MLLT3: variants seen among roughly 807,000 people sequenced by gnomAD.
The protein encoded by MLLT3 is protein AF-9.
MLLT3 carries 4 observed loss-of-function variants against 53.2 expected under a neutral mutation model. The observed-to-expected ratio is 0.08, with a 90% CI of 0.04 to 0.17. MLLT3 has a LOEUF of 0.17. MLLT3 is among the 10% of genes least tolerant of loss of function. MLLT3 has a pLI of 1.00. For synonymous variants in MLLT3, 283 were observed against 230.6 expected (o/e 1.23, Z -2.06); for missense variants, 569 against 684.0 (o/e 0.83, Z 1.87).
chr9:20,550,497 C>G (rs1489456925), intron 2 of MLLT3, among the ~76,000 whole-genome samples: 1 of 152,164 alleles, frequency 6.6e-6, no homozygotes, highest in Non-Finnish European at 1.5e-5. Flanking sequence ...GTGGCACAAT[C>G]ACAGCTCACC....
intron 4 of MLLT3, among the ~76,000 whole-genome samples, chr9:20,424,396 G>A (rs892412390): frequency 6.6e-6 from 1 of 152,116 alleles, no homozygotes; most frequent in Non-Finnish European, 1.5e-5. Context: ...ATTTCAAAGG[G>A]TTTCAGAAAA....
chr9:20,518,500 A>AT (rs1300471038), intron 2 of MLLT3, among the ~76,000 whole-genome samples: 1 of 152,232 alleles, frequency 6.6e-6, no homozygotes, highest in Non-Finnish European at 1.5e-5. Flanking sequence ...GGAAACAAAA[A>AT]TAAGTGGGCA....
At chr9:20,376,579 T>A (rs560499317) in intron 5 of MLLT3, among the ~76,000 whole-genome samples, 3 of 152,198 alleles carry the variant, frequency 2.0e-5, no homozygotes, top group African/African-American at 7.2e-5. Flanking sequence ...TTTGGACTTA[T>A]CACTACTTGT....
chr9:20,586,112 G>A (rs1426361705), intron 2 of MLLT3, among the ~76,000 whole-genome samples: 1 of 152,108 alleles, frequency 6.6e-6, no homozygotes, highest in Admixed American at 6.6e-5. Flanking sequence ...GCACTCAGGA[G>A]TTTGCGACCA....
Position 20,516,269 on chromosome 9 carries a change from G to A in MLLT3, c.194-59483C>T, listed in dbSNP as rs1399536013. Among the ~76,000 whole-genome samples, 7 of 152,284 alleles carry A rather than the reference G, an allele frequency of 4.6e-5. No individual in the cohort carries two copies. The East Asian group carries it at 7.7e-4, about 17-fold the overall frequency. On this transcript the variant is annotated intron_variant, in intron 2 of 10. Coordinates refer to ENST00000380338, the MANE Select transcript of MLLT3 (RefSeq NM_004529.4). ...CTCTCTGGTCACAACCAGCACAAAC[G>A]ATATTGTGACTTTTTTTTTCTAATC...
At chr9:20,608,654 C>G (rs889338505) in intron 2 of MLLT3, among the ~76,000 whole-genome samples, 2 of 151,838 alleles carry the variant, frequency 1.3e-5, no homozygotes, top group Non-Finnish European at 2.9e-5. Flanking sequence ...GACAAGGTGG[C>G]AAAAATGTCA....
At chr9:20,611,929 C>A (rs1351036080) in intron 2 of MLLT3, among the ~76,000 whole-genome samples, 1 of 152,106 alleles carries the variant, frequency 6.6e-6, no homozygotes, top group Non-Finnish European at 1.5e-5. Context: ...TACCACCCAG[C>A]AACAATTTTT....
At chr9:20,393,975 C>T (rs150522823) in intron 5 of MLLT3, among the ~76,000 whole-genome samples, 206 of 152,204 alleles carry the variant, frequency 1.4e-3, no homozygotes, top group African/African-American at 4.5e-3. Context: ...TCTTGTAAAG[C>T]TTCATATCTA....
chr9:20,412,221 A>G (rs572257907), intron 5 of MLLT3, among the ~76,000 whole-genome samples: 1 of 152,336 alleles, frequency 6.6e-6, no homozygotes, highest in African/African-American at 2.4e-5. Context: ...AACACACACA[A>G]AAAAGGTCCA....
At chr9:20,540,649 G>T (rs1818607216) in intron 2 of MLLT3, among the ~76,000 whole-genome samples, 1 of 152,214 alleles carries the variant, frequency 6.6e-6, no homozygotes, top group East Asian at 1.9e-4. Context: ...AGGGTCCTGG[G>T]CCTGGCCCCT....
chr9:20,556,612 G>C (rs1215914952), intron 2 of MLLT3, among the ~76,000 whole-genome samples: 1 of 152,150 alleles, frequency 6.6e-6, no homozygotes, highest in African/African-American at 2.4e-5. Context: ...GAACCCAAGA[G>C]TAGGAGGTTG....
At chr9:20,546,665 C>T (rs1471838301) in intron 2 of MLLT3, among the ~76,000 whole-genome samples, 1 of 152,146 alleles carries the variant, frequency 6.6e-6, no homozygotes, top group African/African-American at 2.4e-5. Flanking sequence ...CCTGAATGTG[C>T]ATTTAGAGTT....
At chr9:20,590,011 G>C (rs1013447821) in intron 2 of MLLT3, among the ~76,000 whole-genome samples, 1 of 152,184 alleles carries the variant, frequency 6.6e-6, no homozygotes, top group Non-Finnish European at 1.5e-5. Flanking sequence ...TGATTTGTAA[G>C]CAGCCCTCTG....
chr9:20,454,818 C>A (rs973828163), intron 3 of MLLT3, among the ~76,000 whole-genome samples: 2 of 152,014 alleles, frequency 1.3e-5, no homozygotes, highest in African/African-American at 2.4e-5. Flanking sequence ...CACAAACATA[C>A]CACTTAAATT....
In MLLT3 at chr9:20,622,312, C is replaced by T. The variant is rs1480724975; in HGVS notation, c.-56G>A. ...TGTGTGGTACCCCCCCCTCCTCCGC[C>T]CCCCCTCAGCTGTAATTCATGAAGA... On this transcript the variant is annotated 5_prime_UTR_variant, in exon 1 of 11. Transcript: ENST00000380338. 4.1e-6 allele frequency: 6 copies of T among 1,463,192 alleles called. No homozygotes were observed. Among genetic ancestry groups the T allele is most frequent in the Admixed American group, 2.2e-5 (1 of 44,530 alleles). 90.6% of individuals were successfully genotyped at this position (1,463,192 alleles called of 1,614,324 possible). A position where few individuals can be genotyped will look rare whatever the true frequency, so the allele number is the denominator to read the frequency against.
At chr9:20,428,278 C>A (rs1043181687) in intron 4 of MLLT3, among the ~76,000 whole-genome samples, 1 of 151,968 alleles carries the variant, frequency 6.6e-6, no homozygotes, top group African/African-American at 2.4e-5. Flanking sequence ...TATAGATTAA[C>A]ACAAACTGAG....
chr9:20,545,434 G>C (rs1334456533), intron 2 of MLLT3, among the ~76,000 whole-genome samples: 1 of 152,162 alleles, frequency 6.6e-6, no homozygotes, highest in African/African-American at 2.4e-5. Flanking sequence ...TGTTAGATGG[G>C]TACAGAGTTG....
intron 2 of MLLT3, among the ~76,000 whole-genome samples, chr9:20,519,675 A>G (rs1323454275): frequency 6.6e-6 from 1 of 152,240 alleles, no homozygotes; most frequent in Non-Finnish European, 1.5e-5. Context: ...CAGAATGCCT[A>G]TTATTAAGAA....
chr9:20,507,482 T>C (rs1396635655), intron 2 of MLLT3, among the ~76,000 whole-genome samples: 1 of 152,188 alleles, frequency 6.6e-6, no homozygotes, highest in East Asian at 1.9e-4. Context: ...TCCTAGTTTA[T>C]ATAACATTTC....
Sources: gnomAD v4.1 joint callset for allele counts (sites outside exome capture counted in the v4.1 genomes callset) on GRCh38, gnomAD v4.1.1 for gene constraint, MANE v1.5 for transcripts, NCBI Gene and HGNC (gene_info 2026-07-23, HGNC 2026-07-21) for gene names.